GOLM2: variants seen among roughly 807,000 people sequenced by gnomAD.
The protein encoded by GOLM2 is protein GOLM2.
In GOLM2, 26 loss-of-function variants were observed where a neutral mutation model predicts 55.9. That is an observed-to-expected ratio of 0.47 (90% confidence interval 0.34 to 0.65). The LOEUF (loss-of-function observed/expected upper bound fraction) is 0.65, where lower values mean the gene tolerates loss of function less well. Among genes scored for constraint, GOLM2 ranks in the 30% least tolerant of loss-of-function variants. The probability of loss-of-function intolerance (pLI) is 0.01; values close to 1 mark genes in which losing one functional copy is unlikely to be tolerated. For synonymous variants in GOLM2, 165 were observed against 194.6 expected (o/e 0.85, Z 1.27); for missense variants, 486 against 531.8 (o/e 0.91, Z 0.85).
At chr15:44,354,891 T>A (rs1406072851) in intron 6 of GOLM2, 1 of 154,458 alleles carries the variant, frequency 6.5e-6, no homozygotes. Context: ...GAATCACAAG[T>A]TTGTCATCAG....
intron 6 of GOLM2, among the ~76,000 whole-genome samples, chr15:44,366,296 C>CAAAAAAAAAAAAAAAAAAAAAAAAA (rs34413737): frequency 1.8e-5 from 1 of 55,504 alleles, no homozygotes; most frequent in African/African-American, 6.8e-5. Flanking sequence ...GACTCCGTCT[C>CAAAAAAAAAAAAAAAAAAAAAAAAA]AAAAAAAAAA....
At chr15:44,377,666 TCCTGGCC>T in intron 6 of GOLM2, among the ~76,000 whole-genome samples, 1 of 152,248 alleles carries the variant, frequency 6.6e-6, no homozygotes, top group East Asian at 1.9e-4. Context: ...GAGCCACCTT[TCCTGGCC>T]CCTTGTGGCA....
intron 8 of GOLM2, among the ~76,000 whole-genome samples, chr15:44,382,692 T>TA (rs1466905231): frequency 6.6e-6 from 1 of 151,970 alleles, no homozygotes; most frequent in Non-Finnish European, 1.5e-5. Context: ...CCTGTATATA[T>TA]TTTTTTAACT....
intron 8 of GOLM2, among the ~76,000 whole-genome samples, chr15:44,394,164 G>T (rs2079509604): frequency 6.6e-6 from 1 of 152,098 alleles, no homozygotes; most frequent in Non-Finnish European, 1.5e-5. Context: ...CAGGCCTCAG[G>T]CATACAAAAA....
chr15:44,368,195 T>C (rs909066945), intron 6 of GOLM2, among the ~76,000 whole-genome samples: 24 of 151,920 alleles, frequency 1.6e-4, no homozygotes, highest in African/African-American at 5.6e-4. Flanking sequence ...TGGAGTGCAG[T>C]GGCATGATAT....
chr15:44,370,685 G>A (rs1428398542), intron 6 of GOLM2, among the ~76,000 whole-genome samples: 3 of 152,088 alleles, frequency 2.0e-5, no homozygotes, highest in Non-Finnish European at 4.4e-5. Context: ...GGAAGACGGG[G>A]AGAATTTTAG....
At chr15:44,318,530 G>A (rs1207356081) in intron 1 of GOLM2, among the ~76,000 whole-genome samples, 2 of 152,158 alleles carry the variant, frequency 1.3e-5, no homozygotes, top group African/African-American at 4.8e-5. Context: ...TCAATGTGGT[G>A]AAACCCTGTC....
At chr15:44,337,590 C>G (rs1164284093) in intron 4 of GOLM2, among the ~76,000 whole-genome samples, 173 bp from the exon 5 acceptor site, 1 of 152,010 alleles carries the variant, frequency 6.6e-6, no homozygotes, top group Non-Finnish European at 1.5e-5. Context: ...GACTTTTTAT[C>G]AGGTATAAAA....
intron 1 of GOLM2, among the ~76,000 whole-genome samples, chr15:44,294,322 A>AGTCC (rs1346279051): frequency 6.6e-6 from 1 of 152,228 alleles, no homozygotes; most frequent in African/African-American, 2.4e-5. Flanking sequence ...TCACGCCTGT[A>AGTCC]GTCCCAACAC....
At chr15:44,303,394 A>G (rs959998347) in intron 1 of GOLM2, among the ~76,000 whole-genome samples, 1 of 152,212 alleles carries the variant, frequency 6.6e-6, no homozygotes, top group Non-Finnish European at 1.5e-5. Context: ...CATAGAATAT[A>G]TCTTTTATTT....
chr15:44,317,794 C>G (rs1330060650), intron 1 of GOLM2, among the ~76,000 whole-genome samples: 1 of 152,084 alleles, frequency 6.6e-6, no homozygotes, highest in Non-Finnish European at 1.5e-5. Flanking sequence ...TCTCCCTGAC[C>G]CCAAGTCTGT....
At chr15:44,311,590 A>AT (rs1412391068) in intron 1 of GOLM2, among the ~76,000 whole-genome samples, 1 of 152,094 alleles carries the variant, frequency 6.6e-6, no homozygotes, top group Admixed American at 6.6e-5. Context: ...GCCAATGTTA[A>AT]TGAACTATCA....
Position 44,413,874 on chromosome 15 carries a change from A to C in GOLM2, c.*468A>C, listed in dbSNP as rs1231438643. 2.0e-5 allele frequency: 3 copies of C among 151,166 alleles called. No individual in the cohort carries two copies. Among genetic ancestry groups the C allele is most frequent in the South Asian group, 2.1e-4 (1 of 4,796 alleles). 9.4% of individuals were successfully genotyped at this position (151,166 alleles called of 1,614,324 possible). ...TTCCCAGGCTGGAGTGCAATGGCAC[A>C]ATCTTGGCTCACTGCAACCTCCGCC... On this transcript the variant is annotated 3_prime_UTR_variant, in exon 10 of 10. Transcript: ENST00000299957.
chr15:44,361,019 C>G (rs1044639199), intron 6 of GOLM2, among the ~76,000 whole-genome samples: 2 of 150,732 alleles, frequency 1.3e-5, no homozygotes, highest in African/African-American at 4.9e-5. Flanking sequence ...AACAAAGACA[C>G]AACATACCAG....
chr15:44,369,099 A>T lies in GOLM2; in HGVS notation c.803-10591A>T, dbSNP rs1401305669. ...TATATATATATATATATATATATAT[A>T]TATATATATATATATATACCCGGCT... On this transcript the variant is annotated intron_variant, in intron 6 of 9. Coordinates refer to ENST00000299957, the MANE Select transcript of GOLM2 (RefSeq NM_138423.4). Among the ~76,000 whole-genome samples the T allele has an allele frequency of 1.6e-4, 15 of 94,232 alleles. 1 individual carries two copies. Among genetic ancestry groups the T allele is most frequent in the African/African-American group, 5.9e-4 (15 of 25,534 alleles). 61.8% of individuals were successfully genotyped at this position (94,232 alleles called of 152,430 possible).
intron 1 of GOLM2, among the ~76,000 whole-genome samples, chr15:44,321,482 A>T (rs1467384764): frequency 1.4e-5 from 2 of 140,098 alleles, no homozygotes; most frequent in Middle Eastern, 7.2e-3. Context: ...AAAAAAAAAA[A>T]AAGGGGGGGT....
At chr15:44,349,570 T>A (rs1253452292) in intron 6 of GOLM2, among the ~76,000 whole-genome samples, 1 of 152,206 alleles carries the variant, frequency 6.6e-6, no homozygotes, top group Non-Finnish European at 1.5e-5. Context: ...ACTTTCAGCA[T>A]TGGACAGATC....
At chr15:44,298,309 G>T (rs192884827) in intron 1 of GOLM2, among the ~76,000 whole-genome samples, 7 of 148,132 alleles carry the variant, frequency 4.7e-5, no homozygotes, top group Admixed American at 2.0e-4. Flanking sequence ...TGTCGCCCAG[G>T]TTGGAGTGCA....
At chr15:44,290,257 C>A (rs1344339016) in intron 1 of GOLM2, among the ~76,000 whole-genome samples, 1 of 152,158 alleles carries the variant, frequency 6.6e-6, no homozygotes, top group Non-Finnish European at 1.5e-5. Flanking sequence ...GACTTAGCAA[C>A]TTCTGTAGGT....
Sources: gnomAD v4.1 joint callset for allele counts (sites outside exome capture counted in the v4.1 genomes callset) on GRCh38, gnomAD v4.1.1 for gene constraint, MANE v1.5 for transcripts, NCBI Gene and HGNC (gene_info 2026-07-23, HGNC 2026-07-21) for gene names.